The following MACROD2 variants were observed in gnomAD, a reference collection of about 807,000 sequenced individuals.
The protein encoded by MACROD2 is ADP-ribose glycohydrolase MACROD2.
Under a neutral mutation model 70.4 loss-of-function variants are expected in MACROD2, and 36 were observed. The observed-to-expected ratio is 0.51, with a 90% CI of 0.39 to 0.68. The LOEUF is 0.68. Among genes scored for constraint, MACROD2 ranks in the 30% least tolerant of loss-of-function variants. MACROD2 has a pLI of 0.00. For synonymous variants in MACROD2, 172 were observed against 178.8 expected (o/e 0.96, Z 0.30); for missense variants, 496 against 538.4 (o/e 0.92, Z 0.78).
intron 8 of MACROD2, among the ~76,000 whole-genome samples, chr20:15,629,850 T>C (rs1199678377): frequency 6.6e-6 from 1 of 152,232 alleles, no homozygotes; most frequent in Non-Finnish European, 1.5e-5. Flanking sequence ...AGAAGATGTT[T>C]TCCTAAATCG....
intron 5 of MACROD2, among the ~76,000 whole-genome samples, chr20:14,770,698 T>C (rs2072153551): frequency 6.6e-6 from 1 of 152,142 alleles, no homozygotes; most frequent in South Asian, 2.1e-4. Flanking sequence ...GGCATGTATT[T>C]ACTTGCCTAA....
At chr20:14,574,435 G>T (rs984828795) in intron 4 of MACROD2, among the ~76,000 whole-genome samples, 1 of 152,010 alleles carries the variant, frequency 6.6e-6, no homozygotes, top group East Asian at 1.9e-4. Flanking sequence ...GGGATAATTG[G>T]CAATAAATAT....
At chr20:15,550,506 C>A (rs920001363) in intron 8 of MACROD2, among the ~76,000 whole-genome samples, 1 of 151,924 alleles carries the variant, frequency 6.6e-6, no homozygotes, top group Non-Finnish European at 1.5e-5. Context: ...AGTTTGATTC[C>A]GTTACCAGGA....
intron 3 of MACROD2, among the ~76,000 whole-genome samples, chr20:14,331,460 A>C (rs1419918058): frequency 6.6e-6 from 1 of 152,120 alleles, no homozygotes; most frequent in Non-Finnish European, 1.5e-5. Flanking sequence ...GATTAACAGA[A>C]AGCCTTAAAT....
chr20:15,716,882 A>G (rs1389309889), intron 8 of MACROD2, among the ~76,000 whole-genome samples: 3 of 152,164 alleles, frequency 2.0e-5, no homozygotes, highest in Non-Finnish European at 4.4e-5. Flanking sequence ...AAATATAGTG[A>G]TAGAAAAGGA....
chr20:14,748,277 G>A (rs78989398), intron 5 of MACROD2, among the ~76,000 whole-genome samples: 5,271 of 152,152 alleles, frequency 0.035, 132 homozygotes, highest in Non-Finnish European at 0.05. Context: ...ATATTTTGCT[G>A]CTGCTTTTCA....
intron 7 of MACROD2, among the ~76,000 whole-genome samples, chr20:15,460,053 C>T (rs1448209478): frequency 1.3e-5 from 2 of 152,226 alleles, no homozygotes; most frequent in East Asian, 1.9e-4. Context: ...CACATTGATT[C>T]CCCTAGAGTG....
intron 5 of MACROD2, among the ~76,000 whole-genome samples, chr20:14,809,310 T>C (rs934005851): frequency 2.6e-5 from 4 of 152,098 alleles, no homozygotes; most frequent in African/African-American, 9.7e-5. Flanking sequence ...ACATGGAAAC[T>C]GAACAATCTG....
intron 5 of MACROD2, among the ~76,000 whole-genome samples, chr20:14,789,315 A>G (rs565458910): frequency 2.6e-5 from 4 of 152,004 alleles, no homozygotes; most frequent in African/African-American, 9.7e-5. Flanking sequence ...TTAGTTAGAT[A>G]TGTGTACTCT....
chr20:15,521,059 G>T (rs1379957199), intron 8 of MACROD2, among the ~76,000 whole-genome samples: 1 of 152,182 alleles, frequency 6.6e-6, no homozygotes, highest in Non-Finnish European at 1.5e-5. Flanking sequence ...ATGTTTCCTG[G>T]CTGTGTGCTT....
At chr20:15,232,228 G>A (rs1281057856) in intron 6 of MACROD2, among the ~76,000 whole-genome samples, 1 of 151,860 alleles carries the variant, frequency 6.6e-6, no homozygotes, top group Non-Finnish European at 1.5e-5. Context: ...TCAGAAACAT[G>A]ATTATGACTG....
intron 4 of MACROD2, among the ~76,000 whole-genome samples, chr20:14,678,827 A>C (rs2070894034): frequency 6.6e-6 from 1 of 152,200 alleles, no homozygotes; most frequent in Non-Finnish European, 1.5e-5. Flanking sequence ...AATGAATTAT[A>C]ACACTTCTAA....
intron 3 of MACROD2, among the ~76,000 whole-genome samples, chr20:14,370,681 T>C (rs1486955821): frequency 1.3e-5 from 2 of 152,194 alleles, no homozygotes; most frequent in African/African-American, 4.8e-5. Flanking sequence ...AACTTTAACT[T>C]TGAATTTCCT....
At chr20:15,335,414 C>T (rs1392545054) in intron 6 of MACROD2, among the ~76,000 whole-genome samples, 1 of 151,338 alleles carries the variant, frequency 6.6e-6, no homozygotes, top group Non-Finnish European at 1.5e-5. Flanking sequence ...TGTAGAAAGT[C>T]TTATTTTTCT....
intron 3 of MACROD2, among the ~76,000 whole-genome samples, chr20:14,261,607 A>T (rs1192438075): frequency 3.9e-5 from 6 of 152,222 alleles, no homozygotes; most frequent in Non-Finnish European, 8.8e-5. Context: ...CCTATATTCC[A>T]GCCATAGTTT....
chr20:15,823,138 T>C (rs1414739967), intron 8 of MACROD2, among the ~76,000 whole-genome samples: 1 of 152,228 alleles, frequency 6.6e-6, no homozygotes, highest in African/African-American at 2.4e-5. Context: ...GATAAATATT[T>C]GAAAGAGTAT....
intron 15 of MACROD2, among the ~76,000 whole-genome samples, chr20:15,999,516 T>A (rs368989537): frequency 6.6e-6 from 1 of 152,200 alleles, no homozygotes; most frequent in Non-Finnish European, 1.5e-5. Context: ...TCAAATCTGT[T>A]GTTTCTTTAT....
chr20:15,586,365 A>C (rs530984772), intron 8 of MACROD2, among the ~76,000 whole-genome samples: 1 of 152,208 alleles, frequency 6.6e-6, no homozygotes, highest in African/African-American at 2.4e-5. Flanking sequence ...GTGAGCCTGC[A>C]TTCACCATAA....
intron 5 of MACROD2, chr20:14,757,832 G>T (rs566768269): frequency 9.8e-6 from 15 of 1,525,342 alleles, no homozygotes; most frequent in Non-Finnish European, 1.4e-5. Flanking sequence ...GATTGTGCCT[G>T]CCACTCTATG....
Sources: allele counts gnomAD v4.1 joint callset (sites outside exome capture counted in the v4.1 genomes callset), GRCh38; gene constraint gnomAD v4.1.1; transcripts MANE v1.5; gene names NCBI Gene and HGNC (gene_info 2026-07-23, HGNC 2026-07-21).